KAZN: variants seen among roughly 807,000 people sequenced by gnomAD.
KAZN encodes kazrin, periplakin interacting protein.
KAZN carries 40 observed loss-of-function variants against 87.4 expected under a neutral mutation model. The observed-to-expected ratio is 0.46, with a 90% confidence interval of 0.36 to 0.60. The LOEUF (loss-of-function observed/expected upper bound fraction) is 0.60. Ranked by LOEUF, KAZN falls within the 20% of genes least tolerant of loss-of-function variation. The pLI, the probability that KAZN is intolerant of heterozygous loss-of-function variation, is 0.00. For synonymous variants in KAZN, 466 were observed against 458.3 expected, an observed-to-expected ratio of 1.02 and a Z score of -0.22; for missense variants, 898 against 1,073.9, an observed-to-expected ratio of 0.84 and a Z score of 2.29.
In KAZN at chr1:14,340,749, T is replaced by C. The variant is rs80152662; in HGVS notation, c.249+160157T>C. Among the ~76,000 whole-genome samples, 365 of 152,344 alleles carry C rather than the reference T, an allele frequency of 2.4e-3. 3 individuals are homozygous for C. The highest frequency in any genetic ancestry group is 8.5e-3 in the African/African-American group (352 of 41,584). On this transcript the variant is annotated intron_variant, in intron 2 of 16. Coordinates refer to the KAZN transcript ENST00000636203. ...CCTTCATTTGCCATTTATTCCAGCA[T>C]CCCTGATCTGTAAGTGTGTCTGTTT...
intron 1 of KAZN, among the ~76,000 whole-genome samples, chr1:14,108,516 A>G (rs571064863): frequency 2.6e-5 from 4 of 152,268 alleles, no homozygotes; most frequent in Admixed American, 2.6e-4. Context: ...ATCGTGCCAG[A>G]CAGATCTCCC....
At position 14,110,951 on chromosome 1, in the gene KAZN, A is replaced by G. The variant is rs1644488319; in HGVS notation, c.92-69484A>G. On this transcript the variant is annotated intron_variant, in intron 1 of 16. Transcript: ENST00000636203. ...TAATGAGATTACTAGAAACTTTTAA[A>G]TTGCATACACAATTTGCATTATATT... Among the ~76,000 whole-genome samples the G allele has an allele frequency of 1.5e-5, 2 of 134,966 alleles. 1 individual carries two copies. Among genetic ancestry groups the G allele is most frequent in the Non-Finnish European group, 3.2e-5 (2 of 62,994 alleles). The allele number at this position is 134,966 out of a possible 152,430, so 88.5% of individuals were successfully genotyped here. A position where few individuals can be genotyped will look rare whatever the true frequency, so the allele number is the denominator to read the frequency against.
At chr1:14,181,610 G>A (rs1646200384) in intron 2 of KAZN, among the ~76,000 whole-genome samples, 1 of 152,056 alleles carries the variant, frequency 6.6e-6, no homozygotes, top group Non-Finnish European at 1.5e-5. Flanking sequence ...TGTTGAGATG[G>A]CCCAAATTAT....
At chr1:15,035,034 G>T (rs1672120889) in intron 3 of KAZN, 149 bp downstream of exon 3, 2 of 973,880 alleles carry the variant, frequency 2.1e-6, no homozygotes, top group African/African-American at 3.3e-5. Flanking sequence ...TAGGCACCGA[G>T]ATAAAACCGG....
intron 2 of KAZN, among the ~76,000 whole-genome samples, chr1:14,276,052 C>G (rs1259693713): frequency 6.6e-6 from 1 of 152,020 alleles, no homozygotes; most frequent in Non-Finnish European, 1.5e-5. Context: ...AGATGGGGAC[C>G]CATGAGGCCA....
intron 1 of KAZN, among the ~76,000 whole-genome samples, chr1:13,895,383 C>T (rs1557705461): frequency 6.6e-6 from 1 of 152,150 alleles, no homozygotes; most frequent in Non-Finnish European, 1.5e-5. Context: ...TCTAAAGTAC[C>T]TCCCCTGCGG....
At chr1:14,025,294 G>A (rs1641022390) in intron 1 of KAZN, among the ~76,000 whole-genome samples, 1 of 152,164 alleles carries the variant, frequency 6.6e-6, no homozygotes, top group Non-Finnish European at 1.5e-5. Flanking sequence ...AATCTATGAG[G>A]CAGCTCTGCT....
At chr1:14,758,075 G>A (rs1232822229) in intron 1 of KAZN, among the ~76,000 whole-genome samples, 1 of 151,538 alleles carries the variant, frequency 6.6e-6, no homozygotes. Context: ...ACTGCCTCTT[G>A]ACTTTGTTTG....
intron 1 of KAZN, among the ~76,000 whole-genome samples, chr1:14,609,436 A>T (rs1222058221): frequency 6.6e-6 from 1 of 152,248 alleles, no homozygotes; most frequent in Non-Finnish European, 1.5e-5. Context: ...CTCATCAGCA[A>T]CTACTAAAAC....
intron 1 of KAZN, among the ~76,000 whole-genome samples, chr1:14,762,758 T>C (rs984796893): frequency 1.3e-5 from 2 of 151,328 alleles, no homozygotes; most frequent in Non-Finnish European, 2.9e-5. Context: ...GAGAAGCAAC[T>C]AAGTTCAGAT....
intron 1 of KAZN, among the ~76,000 whole-genome samples, chr1:13,941,190 AAAC>A (rs1253452966): frequency 3.9e-5 from 6 of 152,126 alleles, no homozygotes; most frequent in South Asian, 2.1e-4. Context: ...ACTCCATCTA[AAAC>A]AACAACAACA....
chr1:14,207,887 G>A (rs909271987), intron 2 of KAZN, among the ~76,000 whole-genome samples: 2 of 152,362 alleles, frequency 1.3e-5, no homozygotes, highest in East Asian at 1.9e-4. Flanking sequence ...GACAGGCCAA[G>A]GAGGGCCCAT....
At chr1:14,175,383 G>A (rs1037608864) in intron 1 of KAZN, among the ~76,000 whole-genome samples, 2 of 152,222 alleles carry the variant, frequency 1.3e-5, no homozygotes, top group African/African-American at 2.4e-5. Context: ...GATTTCAGGC[G>A]TGAGCCACCG....
chr1:14,374,697 C>T (rs912216297), intron 2 of KAZN, among the ~76,000 whole-genome samples: 1 of 152,160 alleles, frequency 6.6e-6, no homozygotes, highest in African/African-American at 2.4e-5. Context: ...CTGGAGTCCA[C>T]TCTCAGAATG....
chr1:14,794,222 G>T (rs1382099231), intron 1 of KAZN, among the ~76,000 whole-genome samples: 1 of 152,208 alleles, frequency 6.6e-6, no homozygotes, highest in East Asian at 1.9e-4. Context: ...GGAAAGCGCA[G>T]TGGGGATTGC....
chr1:14,876,083 C>T (rs1384910417), intron 1 of KAZN, among the ~76,000 whole-genome samples: 1 of 152,218 alleles, frequency 6.6e-6, no homozygotes. Flanking sequence ...AAAGCCCAGA[C>T]AAGCCAAGTG....
chr1:14,855,535 C>T (rs112959500), intron 1 of KAZN, among the ~76,000 whole-genome samples: 19 of 152,274 alleles, frequency 1.2e-4, no homozygotes, highest in African/African-American at 3.4e-4. Flanking sequence ...TGAGATGGGT[C>T]GGGTCACTGA....
intron 2 of KAZN, among the ~76,000 whole-genome samples, chr1:14,357,087 C>T (rs906147716): frequency 3.3e-5 from 5 of 151,890 alleles, no homozygotes; most frequent in African/African-American, 1.2e-4. Flanking sequence ...TTGTTTGTGC[C>T]CTCTCATTTC....
chr1:15,050,204 AG>A (rs1674232222), intron 4 of KAZN, among the ~76,000 whole-genome samples: 5 of 151,746 alleles, frequency 3.3e-5, no homozygotes, highest in Non-Finnish European at 4.4e-5. Flanking sequence ...AGAATAGAAT[AG>A]AATAGAATAG....
Sources: gnomAD v4.1 joint callset for allele counts (sites outside exome capture counted in the v4.1 genomes callset) on GRCh38, gnomAD v4.1.1 for gene constraint, MANE v1.5 for transcripts, NCBI Gene and HGNC (gene_info 2026-07-23, HGNC 2026-07-21) for gene names.